Variants in PLA2G12A observed in about 807,000 individuals in gnomAD.
PLA2G12A encodes the protein phospholipase A2 group XIIA.
A neutral mutation model predicts 16.0 loss-of-function variants in PLA2G12A; 11 were observed. The ratio of observed to expected loss-of-function variants is 0.69; its 90% CI spans 0.43 to 1.13. PLA2G12A has a LOEUF of 1.13. Ranked by LOEUF, PLA2G12A falls within the 50% of genes most tolerant of loss-of-function variation. PLA2G12A has a pLI of 0.00. For synonymous variants in PLA2G12A, 77 were observed against 93.8 expected, an observed-to-expected ratio of 0.82 and a Z score of 1.03; for missense variants, 214 against 237.3, an observed-to-expected ratio of 0.90 and a Z score of 0.65.
rs117354558 is a variant in PLA2G12A at position 109,716,202 on chromosome 4, C to T, written c.451+1346G>A. 8.8e-3 allele frequency among the ~76,000 whole-genome samples: 1,341 copies of T among 152,318 alleles called. 50 individuals carry two copies. The highest frequency in any genetic ancestry group is 0.083 in the East Asian group (432 of 5,192). ...GAGGCTGTGAATTCAAGATTACCTG[C>T]AGCAGAGATTTCTTCCTTGACATGA... On this transcript the variant is annotated intron_variant, in intron 3 of 3. Coordinates refer to ENST00000243501, the MANE Select transcript of PLA2G12A (RefSeq NM_030821.5).
At chr4:109,716,549 A>G (rs1265325007) in intron 3 of PLA2G12A, among the ~76,000 whole-genome samples, 5 of 152,210 alleles carry the variant, frequency 3.3e-5, no homozygotes, top group Admixed American at 1.3e-4. Context: ...GAGAAATCTT[A>G]TAACTACCAG....
In PLA2G12A at chr4:109,711,091, T is replaced by A. The variant is rs1433629292; in HGVS notation, c.*3286A>T. 1 of 144,822 alleles carries A rather than the reference T, an allele frequency of 6.9e-6. No homozygotes were observed. The highest frequency in any genetic ancestry group is 1.5e-5 in the Non-Finnish European group (1 of 66,982). The allele number at this position is 144,822 out of a possible 1,614,324, so 9.0% of individuals were successfully genotyped here. On this transcript the variant is annotated 3_prime_UTR_variant, in exon 4 of 4. Transcript: ENST00000243501. ...TTTTTTTTTTTGCTCTTTTAATGAG[T>A]TTATTCTGTCAATAGGGAAAATATC...
chr4:109,711,941 G>A lies in PLA2G12A; in HGVS notation c.*2436C>T, dbSNP rs887152730. The A allele has an allele frequency of 2.0e-5, 3 of 152,450 alleles. No individual in the cohort carries two copies. The highest frequency in any genetic ancestry group is 2.9e-5 in the Non-Finnish European group (2 of 68,012). 9.4% of individuals were successfully genotyped at this position (152,450 alleles called of 1,614,324 possible). A position where few individuals can be genotyped will look rare whatever the true frequency, so the allele number is the denominator to read the frequency against. On this transcript the variant is annotated 3_prime_UTR_variant, in exon 4 of 4. Coordinates refer to ENST00000243501, the MANE Select transcript of PLA2G12A (RefSeq NM_030821.5). ...ATCTATAACCCCACTCTAACCATGA[G>A]GAAAACATCAGACAAACCCAAATTG... is the stretch of plus-strand genomic sequence containing the variant.
At chr4:109,717,419 A>C in intron 3 of PLA2G12A, 129 bp downstream of exon 3, 1 of 1,004,466 alleles carries the variant, frequency 1.0e-6, no homozygotes, top group Non-Finnish European at 1.5e-6. Context: ...ACCTCAGAAA[A>C]TTGAAGTCTG....
At chr4:109,723,439 G>A (rs1316699243) in intron 1 of PLA2G12A, among the ~76,000 whole-genome samples, 1 of 152,172 alleles carries the variant, frequency 6.6e-6, no homozygotes, top group Non-Finnish European at 1.5e-5. Context: ...TTAAGATGCA[G>A]ATATTAATCA....
chr4:109,717,942 C>G (rs756214298), intron 2 of PLA2G12A, among the ~76,000 whole-genome samples: 1 of 152,148 alleles, frequency 6.6e-6, no homozygotes, highest in Non-Finnish European at 1.5e-5. Flanking sequence ...TATTCTGCAG[C>G]GTTAGAACAC....
chr4:109,729,737 G>C lies in PLA2G12A; in HGVS notation c.73C>G (p.Gln25Glu), dbSNP rs762316180. ...LMAAVVRCQE[Q>E]AQTTDWRATL... ...GCTCTCCAGTCGGTGGTCTGGGCCTGCTCCTGGCACCTGACAACAGCGGCC... is the reference window on the plus strand; with the variant it reads ...GCTCTCCAGTCGGTGGTCTGGGCCTCCTCCTGGCACCTGACAACAGCGGCC... The change falls in exon 1 of 4, where the codon CAG becomes GAG. Residue 25 changes from glutamine (Q) to glutamate (E), a missense_variant. Coordinates refer to ENST00000243501, the MANE Select transcript of PLA2G12A (RefSeq NM_030821.5). The C allele has an allele frequency of 1.0e-5, 16 of 1,597,216 alleles. No homozygotes were observed. Among genetic ancestry groups the C allele is most frequent in the Non-Finnish European group, 1.4e-5 (16 of 1,172,984 alleles).
At position 109,711,777 on chromosome 4, in the gene PLA2G12A, C is replaced by T. The variant is rs1730734767; in HGVS notation, c.*2600G>A. On this transcript the variant is annotated 3_prime_UTR_variant, in exon 4 of 4. Coordinates refer to ENST00000243501, the MANE Select transcript of PLA2G12A (RefSeq NM_030821.5). ...ACAGAAGTATGGAAAGGGAAAATAA[C>T]AGTAATTTTCAGCAGCAAAAAACCA... is the stretch of plus-strand genomic sequence containing the variant. The T allele has an allele frequency of 6.6e-6, 1 of 152,090 alleles. No homozygotes were observed. Among genetic ancestry groups the T allele is most frequent in the South Asian group, 2.1e-4 (1 of 4,820 alleles). 9.4% of individuals were successfully genotyped at this position (152,090 alleles called of 1,614,324 possible).
chr4:109,717,589 C>T lies in PLA2G12A; in HGVS notation c.410G>A (p.Arg137Gln), dbSNP rs549932026. Residue 137 changes from arginine (R) to glutamine (Q), a missense_variant, in exon 3 of 4, where the codon CGA (arginine) becomes CAA (glutamine). Arg to Gln is a conservative substitution (Grantham distance 43). Transcript: ENST00000243501. ...EFQYCLSKIC[R>Q]DVQKTLGLTQ... ...TAGTCCTAGTGTTTTCTGTACATCTCGGCAGATCTTGGAGAGGCAATACTG... is the reference window on the plus strand; with the variant it reads ...TAGTCCTAGTGTTTTCTGTACATCTTGGCAGATCTTGGAGAGGCAATACTG... The T allele has an allele frequency of 1.5e-5, 24 of 1,613,960 alleles. No individual in the cohort carries two copies. The highest frequency in any genetic ancestry group is 5.3e-5 in the African/African-American group (4 of 75,034).
chr4:109,727,415 T>C (rs2126169075), intron 1 of PLA2G12A, among the ~76,000 whole-genome samples: 1 of 151,810 alleles, frequency 6.6e-6, no homozygotes, highest in South Asian at 2.1e-4. Flanking sequence ...CCTGCCTAAT[T>C]TTTTTTTTCA....
At chr4:109,727,106 TTTA>T (rs562237417) in intron 1 of PLA2G12A, among the ~76,000 whole-genome samples, 4 of 150,756 alleles carry the variant, frequency 2.7e-5, no homozygotes, top group Non-Finnish European at 5.9e-5. Flanking sequence ...TAACAGCAAT[TTTA>T]TTATTATTAT....
intron 1 of PLA2G12A, among the ~76,000 whole-genome samples, chr4:109,721,617 GCC>G (rs1730946308): frequency 6.6e-6 from 1 of 152,120 alleles, no homozygotes; most frequent in South Asian, 2.1e-4. Flanking sequence ...ACCATGCCCG[GCC>G]CAGTCCTTCA....
chr4:109,710,841 C>G lies in PLA2G12A; in HGVS notation c.*3536G>C, dbSNP rs28547481. 2.0e-5 allele frequency: 3 copies of G among 152,098 alleles called. No homozygotes were observed. The highest frequency in any genetic ancestry group is 4.4e-5 in the Non-Finnish European group (3 of 68,034). The allele number at this position is 152,098 out of a possible 1,614,324, so 9.4% of individuals were successfully genotyped here. On this transcript the variant is annotated 3_prime_UTR_variant, in exon 4 of 4. Transcript: ENST00000243501. ...GAAAGAAAGGCTACCTGTGAGGATGCGTTTAATTAGCTTTTGCCCTTATAT... is the reference window on the plus strand; with the variant it reads ...GAAAGAAAGGCTACCTGTGAGGATGGGTTTAATTAGCTTTTGCCCTTATAT...
chr4:109,724,681 C>T (rs996255960), intron 1 of PLA2G12A, among the ~76,000 whole-genome samples: 2 of 152,004 alleles, frequency 1.3e-5, no homozygotes, highest in Non-Finnish European at 2.9e-5. Context: ...GTCAGAAAAA[C>T]TAAAAACATG....
chr4:109,718,636 C>A, intron 2 of PLA2G12A, 47 bp downstream of exon 2: 1 of 1,380,664 alleles, frequency 7.2e-7, no homozygotes, highest in South Asian at 1.2e-5. Flanking sequence ...AAAAGTATTA[C>A]ATGATTTACC....
At position 109,711,053 on chromosome 4, in the gene PLA2G12A, C is replaced by CTTTTTTTTTTTTTTTTTTTT. The variant is rs67674001; in HGVS notation, c.*3304_*3323dup. On this transcript the variant is annotated 3_prime_UTR_variant, in exon 4 of 4. Transcript: ENST00000243501. ...AGAGCTGCTGACAGTTAGTTCTTGC[C>CTTTTTTTTTTTTTTTTTTTT]TTTTTTTTTTTTTTTTTTTTTTTGC... 1.4e-4 allele frequency: 8 copies of CTTTTTTTTTTTTTTTTTTTT among 57,240 alleles called. 1 individual carries two copies. Among genetic ancestry groups the CTTTTTTTTTTTTTTTTTTTT allele is most frequent in the African/African-American group, 5.0e-4 (6 of 11,900 alleles). 3.5% of individuals were successfully genotyped at this position (57,240 alleles called of 1,614,324 possible).
intron 1 of PLA2G12A, among the ~76,000 whole-genome samples, chr4:109,724,111 A>G (rs1722871476): frequency 6.6e-6 from 1 of 152,028 alleles, no homozygotes; most frequent in Admixed American, 6.6e-5. Flanking sequence ...CATGTGTCTC[A>G]ATTGTCTTAT....
At chr4:109,718,880 A>G (rs1730873598) in intron 1 of PLA2G12A, 121 bp from the exon 2 acceptor site, 1 of 644,282 alleles carries the variant, frequency 1.6e-6, no homozygotes. Flanking sequence ...GGATGCTAAC[A>G]TAAGTGCATA....
intron 1 of PLA2G12A, among the ~76,000 whole-genome samples, chr4:109,720,547 G>GCAAC (rs1377077702): frequency 1.8e-5 from 2 of 109,624 alleles, no homozygotes; most frequent in Non-Finnish European, 3.4e-5. Flanking sequence ...ACCAGCCTGG[G>GCAAC]CAACATGATG....
Sources: allele counts gnomAD v4.1 joint callset (sites outside exome capture counted in the v4.1 genomes callset), GRCh38; gene constraint gnomAD v4.1.1; transcripts MANE v1.5; gene names NCBI Gene and HGNC (gene_info 2026-07-23, HGNC 2026-07-21).